The following ADGB variants were observed in gnomAD, a reference collection of about 807,000 sequenced individuals.
ADGB encodes calpain-7-like protein.
A neutral mutation model predicts 210.5 loss-of-function variants in ADGB; 172 were observed. That is an observed-to-expected ratio of 0.82 (90% CI 0.72 to 0.93). The LOEUF (loss-of-function observed/expected upper bound fraction) is 0.93. ADGB is among the 40% of genes least tolerant of loss of function. ADGB has a pLI of 0.00. For synonymous variants in ADGB, 658 were observed against 662.7 expected, an observed-to-expected ratio of 0.99 and a Z score of 0.11; for missense variants, 2,025 against 1,964.8, an observed-to-expected ratio of 1.03 and a Z score of -0.58.
intron 25 of ADGB, among the ~76,000 whole-genome samples, chr6:146,745,085 A>T (rs181611437): frequency 5.3e-5 from 8 of 152,282 alleles, no homozygotes; most frequent in Admixed American, 2.0e-4. Flanking sequence ...ATTCCAGCTA[A>T]TATTTCTAGA....
Position 146,728,651 on chromosome 6 carries a change from G to A in ADGB, c.2430G>A (p.Lys810=). The change falls in exon 20 of 36, where the codon AAG becomes AAA. Residue 810 remains lysine, a synonymous_variant. Transcript: ENST00000397944. ...IGNVIANFKD[K]GKLSAALKDL... ...ATGTGATTGCTAATTTCAAAGATAA[G>A]GGTAAACTCTCTGCAGCTTTGAAGG... 6.4e-7 allele frequency: 1 copy of A among 1,551,586 alleles called. No individual in the cohort carries two copies. Among genetic ancestry groups the A allele is most frequent in the Non-Finnish European group, 8.7e-7 (1 of 1,146,918 alleles).
rs1775797079 is a variant in ADGB, at chr6:146,657,197, G to A, written c.612+217G>A. ...AAAAATTAGCTGGGTACGGTGGTGG[G>A]TGCCTGTAATCCCACCTACTCCGGA... On this transcript the variant is annotated intron_variant, in intron 5 of 35. Transcript: ENST00000397944. 1.3e-5 allele frequency among the ~76,000 whole-genome samples: 2 copies of A among 151,872 alleles called. 1 individual carries two copies. The highest frequency in any genetic ancestry group is 4.2e-4 in the South Asian group (2 of 4,810).
At chr6:146,599,250 T>C (rs1780516316) in intron 1 of ADGB, 136 bp downstream of exon 1, 2 of 782,268 alleles carry the variant, frequency 2.6e-6, no homozygotes, top group South Asian at 3.1e-5. Context: ...TCTTCTCTGG[T>C]AAACCAGATC....
rs3065963 is a variant in ADGB at position 146,812,356 on chromosome 6, C to CA, written c.4819-2667dup. On this transcript the variant is annotated intron_variant, in intron 35 of 35. Coordinates refer to ENST00000397944, the MANE Select transcript of ADGB (RefSeq NM_024694.4). The stretch of plus-strand genomic sequence containing the variant: ...GATTTGTTAAGCTTGAGGGGGTGCC[C>CA]AAAAAAAAATACATAAAACACGAGT... Among the ~76,000 whole-genome samples, 722 of 150,154 alleles carry CA rather than the reference C, an allele frequency of 4.8e-3. 12 individuals carry two copies. The highest frequency in any genetic ancestry group is 0.042 in the South Asian group (197 of 4,732).
At chr6:146,690,591 C>A (rs1009932100) in intron 10 of ADGB, among the ~76,000 whole-genome samples, 3 of 152,148 alleles carry the variant, frequency 2.0e-5, no homozygotes, top group African/African-American at 4.8e-5. Context: ...TCTGCCTGGG[C>A]AACTCCTTGA....
chr6:146,691,371 C>A, intron 11 of ADGB, 81 bp downstream of exon 11: 1 of 1,073,070 alleles, frequency 9.3e-7, no homozygotes, highest in Non-Finnish European at 1.2e-6. Flanking sequence ...AGATGTATGT[C>A]AAGGTAAATC....
intron 20 of ADGB, among the ~76,000 whole-genome samples, chr6:146,730,336 C>T (rs1215503745): frequency 6.7e-6 from 1 of 149,502 alleles, no homozygotes; most frequent in African/African-American, 2.5e-5. Context: ...ACATCACAGA[C>T]AATCTGCTAA....
At chr6:146,733,872 A>G (rs936089855) in intron 21 of ADGB, 21 bp from the exon 22 acceptor site, 1 of 1,551,264 alleles carries the variant, frequency 6.4e-7, no homozygotes, top group Non-Finnish European at 8.7e-7. Flanking sequence ...TTCAGTCCAA[A>G]GTTTGTTTTT....
chr6:146,799,911 GCGATTCT>G (rs1460952135), intron 33 of ADGB, among the ~76,000 whole-genome samples: 3 of 151,992 alleles, frequency 2.0e-5, no homozygotes, highest in Non-Finnish European at 4.4e-5. Context: ...CCGGGTTCAA[GCGATTCT>G]CCTGCCTCAG....
intron 2 of ADGB, among the ~76,000 whole-genome samples, chr6:146,637,586 A>C (rs1371404038): frequency 1.3e-5 from 2 of 151,980 alleles, no homozygotes; most frequent in African/African-American, 2.4e-5. Context: ...CAGACCAGCT[A>C]TAGCATTCTG....
chr6:146,604,571 A>G (rs1424564060), intron 1 of ADGB, among the ~76,000 whole-genome samples: 1 of 152,072 alleles, frequency 6.6e-6, no homozygotes, highest in Non-Finnish European at 1.5e-5. Context: ...AAAATGACAA[A>G]AAAAAAAAGA....
intron 32 of ADGB, among the ~76,000 whole-genome samples, chr6:146,786,889 T>C (rs1204617952): frequency 1.3e-5 from 2 of 152,140 alleles, no homozygotes; most frequent in Non-Finnish European, 2.9e-5. Flanking sequence ...AGGGGAAGTC[T>C]CCCCTACTTC....
At chr6:146,640,770 TAAG>T (rs772074510) in intron 2 of ADGB, among the ~76,000 whole-genome samples, 7 of 151,886 alleles carry the variant, frequency 4.6e-5, no homozygotes, top group Non-Finnish European at 8.8e-5. Context: ...CTCAAAATAA[TAAG>T]AACCATCTAT....
chr6:146,631,119 A>G (rs1395152659), intron 1 of ADGB, among the ~76,000 whole-genome samples: 1 of 152,252 alleles, frequency 6.6e-6, no homozygotes, highest in East Asian at 1.9e-4. Context: ...AATATAGCAT[A>G]CAAGTGCTTA....
At chr6:146,664,026 A>G (rs1023778794) in intron 5 of ADGB, among the ~76,000 whole-genome samples, 175 bp from the exon 6 acceptor site, 2 of 152,108 alleles carry the variant, frequency 1.3e-5, no homozygotes, top group Non-Finnish European at 2.9e-5. Flanking sequence ...ATAAAGCAAT[A>G]AGCTAACATA....
chr6:146,611,034 G>A (rs900252020), intron 1 of ADGB, among the ~76,000 whole-genome samples: 56 of 152,114 alleles, frequency 3.7e-4, no homozygotes, highest in African/African-American at 1.3e-3. Context: ...TGGTATGGCA[G>A]TCAAGGGAGG....
chr6:146,709,864 C>T lies in ADGB; in HGVS notation c.1708-5518C>T, dbSNP rs144113724. On this transcript the variant is annotated intron_variant, in intron 13 of 35. Coordinates refer to ENST00000397944, the MANE Select transcript of ADGB (RefSeq NM_024694.4). ...TTCAATGTGTCTTATTTCTGTGCTA[C>T]ATTCAGTTGCTATAACCTTTCACCA... Among the ~76,000 whole-genome samples, 70 of 152,242 alleles carry T rather than the reference C, an allele frequency of 4.6e-4. No homozygotes were observed. The East Asian group carries it at 8.9e-3, about 19-fold the overall frequency.
At chr6:146,706,852 T>TTTTG (rs1776579585) in intron 13 of ADGB, among the ~76,000 whole-genome samples, 1 of 150,526 alleles carries the variant, frequency 6.6e-6, no homozygotes, top group African/African-American at 2.4e-5. Flanking sequence ...AGTGTTTTTT[T>TTTTG]TTTTTTTTTT....
At position 146,682,488 on chromosome 6, in the gene ADGB, A is replaced by C. The variant is rs568383691; in HGVS notation, c.1217-3246A>C. Among the ~76,000 whole-genome samples the C allele has an allele frequency of 3.7e-4, 57 of 152,278 alleles. No individual in the cohort carries two copies. In the East Asian group the frequency reaches 7.3e-3, roughly 20 times the overall value. Reference sequence around the variant, plus strand: ...ATGTTAAATTTCATTTCATCATTCAAGAGTATATTTTTTCTTAAATTTCTT... The same window carrying C: ...ATGTTAAATTTCATTTCATCATTCACGAGTATATTTTTTCTTAAATTTCTT... On this transcript the variant is annotated intron_variant, in intron 9 of 35. Transcript: ENST00000397944.
Sources: gnomAD v4.1 joint callset for allele counts (sites outside exome capture counted in the v4.1 genomes callset) on GRCh38, gnomAD v4.1.1 for gene constraint, MANE v1.5 for transcripts, NCBI Gene and HGNC (gene_info 2026-07-23, HGNC 2026-07-21) for gene names.